The following STK32A variants were observed in gnomAD, a reference collection of about 807,000 sequenced individuals.
STK32A encodes serine/threonine kinase 32A, also known as serine/threonine-protein kinase 32A.
In STK32A, 41 loss-of-function variants were observed where a neutral mutation model predicts 53.2. That is an observed-to-expected ratio of 0.77 (90% confidence interval 0.60 to 1.00). The LOEUF (loss-of-function observed/expected upper bound fraction) is 1.00. Among genes scored for constraint, STK32A ranks in the 50% least tolerant of loss-of-function variants. STK32A has a pLI of 0.00. For missense variants in STK32A, 458 were observed against 485.8 expected (o/e 0.94, Z 0.54); for synonymous variants, 166 against 162.8 (o/e 1.02, Z -0.15).
chr5:147,390,577 C>T (rs750812485), downstream of STK32A, among the ~76,000 whole-genome samples: 19 of 151,548 alleles, frequency 1.3e-4, no homozygotes, highest in Non-Finnish European at 2.5e-4. Flanking sequence ...TTTGATGATC[C>T]ACAGAAGAAA....
chr5:147,396,940 A>G, the STK32A span, among the ~76,000 whole-genome samples: 3 of 128,908 alleles, frequency 2.3e-5, no homozygotes, highest in Non-Finnish European at 4.8e-5. Context: ...ATATGTGAAT[A>G]TATTTATTTA....
intron 10 of STK32A, 56 bp downstream of exon 10, chr5:147,373,350 T>C (rs1757090459): frequency 3.8e-6 from 6 of 1,598,500 alleles, no homozygotes; most frequent in Non-Finnish European, 5.1e-6. Flanking sequence ...TTACCCGGTG[T>C]GCCAGATTCA....
Position 147,340,331 on chromosome 5 carries a change from A to G in STK32A, c.435-2675A>G, listed in dbSNP as rs111783553. 4.1e-3 allele frequency among the ~76,000 whole-genome samples: 629 copies of G among 152,290 alleles called. 4 individuals carry two copies. The highest frequency in any genetic ancestry group is 0.013 in the African/African-American group (521 of 41,558). On this transcript the variant is annotated intron_variant, in intron 5 of 12. Coordinates refer to ENST00000397936, the MANE Select transcript of STK32A (RefSeq NM_001112724.2). Reference sequence around the variant, plus strand: ...CTGATAAGAGAATCCACAGTGTTCAATTCTCCCCAGTTGATTCTGAAGCAT... The same window carrying G: ...CTGATAAGAGAATCCACAGTGTTCAGTTCTCCCCAGTTGATTCTGAAGCAT...
At chr5:147,378,840 CT>C (rs71001434) in intron 11 of STK32A, among the ~76,000 whole-genome samples, 1 of 28,106 alleles carries the variant, frequency 3.6e-5, no homozygotes, top group Non-Finnish European at 7.4e-5. Context: ...TGCCTCCAGT[CT>C]TTTTTTTTTT....
At chr5:147,282,094 G>A (rs191111160) in intron 4 of STK32A, among the ~76,000 whole-genome samples, 93 of 152,236 alleles carry the variant, frequency 6.1e-4, no homozygotes, top group African/African-American at 2.1e-3. Context: ...TACAAGAACC[G>A]CTAAAAGGAG....
intron 4 of STK32A, among the ~76,000 whole-genome samples, chr5:147,322,066 TAA>T (rs1030420006): frequency 6.6e-6 from 1 of 152,226 alleles, no homozygotes; most frequent in Non-Finnish European, 1.5e-5. Flanking sequence ...GAATGGCCTG[TAA>T]AACACAGTGA....
At chr5:147,324,390 G>A (rs1228284197) in intron 5 of STK32A, among the ~76,000 whole-genome samples, 1 of 152,150 alleles carries the variant, frequency 6.6e-6, no homozygotes, top group African/African-American at 2.4e-5. Flanking sequence ...TAATTAAATG[G>A]AGGTAGCACA....
chr5:147,278,135 C>T lies in STK32A; in HGVS notation c.64C>T (p.His22Tyr), dbSNP rs747788851. The T allele has an allele frequency of 1.3e-6, 2 of 1,595,894 alleles. No individual in the cohort carries two copies. Among genetic ancestry groups the T allele is most frequent in the South Asian group, 2.3e-5 (2 of 87,832 alleles). ...TTTTTGTTTTACAGTCAACTTTGAC[C>T]ACTTTGAAATTTTGCGAGCCATTGG... is the stretch of plus-strand genomic sequence containing the variant. ...FDENEDVNFD[H>Y]FEILRAIGKG... The change falls in exon 3 of 13, where the codon CAC (histidine) becomes TAC (tyrosine). Residue 22 changes from histidine to tyrosine, a missense_variant. His to Tyr is a moderately conservative substitution (Grantham distance 83, BLOSUM62 2). Coordinates refer to ENST00000397936, the MANE Select transcript of STK32A (RefSeq NM_001112724.2).
chr5:147,343,272 T>C (rs755898452), intron 6 of STK32A: 2 of 716,428 alleles, frequency 2.8e-6, no homozygotes, highest in African/African-American at 3.5e-5. Flanking sequence ...AAAATCATAG[T>C]CTACTCAATT....
chr5:147,305,938 G>A (rs1156498660), intron 4 of STK32A, among the ~76,000 whole-genome samples: 1 of 150,780 alleles, frequency 6.6e-6, no homozygotes, highest in Non-Finnish European at 1.5e-5. Flanking sequence ...TCCAAAATAT[G>A]TGTACTTCTT....
At chr5:147,348,789 T>C in intron 6 of STK32A, 1 of 732,884 alleles carries the variant, frequency 1.4e-6, no homozygotes, top group Non-Finnish European at 2.5e-6. Flanking sequence ...AAGTTTCTGA[T>C]AATGACGGAT....
At chr5:147,401,729 CATAAAGTATATGCT>C in the STK32A span, 1 of 1,613,144 alleles carries the variant, frequency 6.2e-7, no homozygotes, top group Non-Finnish European at 8.5e-7. Flanking sequence ...AAGGGGTTAG[CATAAAGTATATGCT>C]GCACTGGGCC....
intron 5 of STK32A, among the ~76,000 whole-genome samples, chr5:147,324,814 G>A (rs1331955594): frequency 1.3e-5 from 2 of 152,114 alleles, no homozygotes; most frequent in Admixed American, 6.5e-5. Context: ...TATATGAATT[G>A]TAAACATATC....
chr5:147,316,699 T>C (rs757636930), intron 4 of STK32A, among the ~76,000 whole-genome samples: 7 of 151,554 alleles, frequency 4.6e-5, no homozygotes, highest in Non-Finnish European at 7.4e-5. Flanking sequence ...CTACAAAAAA[T>C]TAAAATATCA....
intron 1 of STK32A, among the ~76,000 whole-genome samples, chr5:147,238,321 G>A (rs1379847697): frequency 6.6e-6 from 1 of 152,172 alleles, no homozygotes; most frequent in Non-Finnish European, 1.5e-5. Context: ...TAAATGCCCA[G>A]TCTGGCTCAC....
At chr5:147,324,874 G>C (rs548586629) in intron 5 of STK32A, among the ~76,000 whole-genome samples, 4 of 152,076 alleles carry the variant, frequency 2.6e-5, no homozygotes. Context: ...GTGTTTACTG[G>C]TTGATGACTT....
rs145970421 is a variant in STK32A, at chr5:147,293,178, CTTAG to C, written c.260+13784_260+13787del. Reference sequence around the variant, plus strand: ...TAGATGACAAAAGACTTAAAGCAGTCTTAGTTAAAGACACAATTGACCAGGAAAT... The same window carrying C: ...TAGATGACAAAAGACTTAAAGCAGTCTTAAAGACACAATTGACCAGGAAAT... On this transcript the variant is annotated intron_variant, in intron 4 of 12. Transcript: ENST00000397936. Among the ~76,000 whole-genome samples the C allele has an allele frequency of 9.7e-3, 1,478 of 152,136 alleles. 28 individuals are homozygous for C. The highest frequency in any genetic ancestry group is 0.034 in the African/African-American group (1,399 of 41,526).
intron 4 of STK32A, among the ~76,000 whole-genome samples, chr5:147,286,975 G>T (rs1033082198): frequency 6.6e-6 from 1 of 152,090 alleles, no homozygotes; most frequent in East Asian, 1.9e-4. Context: ...GAATTTATAC[G>T]AAGCACTTTC....
At chr5:147,352,782 T>C (rs564427771) in intron 7 of STK32A, among the ~76,000 whole-genome samples, 1 of 152,310 alleles carries the variant, frequency 6.6e-6, no homozygotes, top group South Asian at 2.1e-4. Flanking sequence ...GTTTGGGGGC[T>C]AGTCTTTCTG....
Sources: gnomAD v4.1 joint callset for allele counts (sites outside exome capture counted in the v4.1 genomes callset) on GRCh38, gnomAD v4.1.1 for gene constraint, MANE v1.5 for transcripts, NCBI Gene and HGNC (gene_info 2026-07-23, HGNC 2026-07-21) for gene names.